The following NAALADL2 variants were observed in gnomAD, a reference collection of about 807,000 sequenced individuals.
The protein encoded by NAALADL2 is inactive N-acetylated-alpha-linked acidic dipeptidase-like protein 2.
A neutral mutation model predicts 87.2 loss-of-function variants in NAALADL2; 76 were observed. The ratio of observed to expected loss-of-function variants is 0.87; its 90% CI spans 0.72 to 1.05. NAALADL2 has a LOEUF of 1.05. Ranked by LOEUF, NAALADL2 falls within the 50% of genes least tolerant of loss-of-function variation. The probability of loss-of-function intolerance (pLI) is 0.00; values close to 1 mark genes in which losing one functional copy is unlikely to be tolerated. For synonymous variants in NAALADL2, 354 were observed against 331.0 expected, an observed-to-expected ratio of 1.07 and a Z score of -0.75; for missense variants, 1,089 against 945.8, an observed-to-expected ratio of 1.15 and a Z score of -1.99.
rs535701658 is a variant in NAALADL2 at position 174,904,777 on chromosome 3, T to A, written c.43+45327T>A. On this transcript the variant is annotated intron_variant, in intron 1 of 13. Coordinates refer to ENST00000454872, the MANE Select transcript of NAALADL2 (RefSeq NM_207015.3). ...TCATACTCTTTATAGCTTGAGGCAATAATTCACTCAACTTGTGAAATAGTT... is the reference window on the plus strand; with the variant it reads ...TCATACTCTTTATAGCTTGAGGCAAAAATTCACTCAACTTGTGAAATAGTT... Among the ~76,000 whole-genome samples, 7 of 151,966 alleles carry A rather than the reference T, an allele frequency of 4.6e-5. No individual in the cohort carries two copies. In the East Asian group the frequency reaches 1.4e-3, roughly 29 times the overall value.
intron 2 of NAALADL2, among the ~76,000 whole-genome samples, chr3:175,191,628 A>T: frequency 6.6e-6 from 1 of 152,214 alleles, no homozygotes; most frequent in South Asian, 2.1e-4. Flanking sequence ...AACTCTGTCA[A>T]GGATATTAGG....
chr3:174,803,165 G>A (rs1181689950), intron 3 of NAALADL2, among the ~76,000 whole-genome samples: 10 of 151,814 alleles, frequency 6.6e-5, no homozygotes, highest in East Asian at 1.9e-4. Flanking sequence ...TTTAATGATC[G>A]CCATTCTAAC....
intron 1 of NAALADL2, among the ~76,000 whole-genome samples, chr3:175,082,119 G>T (rs1285083745): frequency 6.6e-6 from 1 of 151,998 alleles, no homozygotes; most frequent in African/African-American, 2.4e-5. Context: ...TCAATTTCTG[G>T]CCTAAAGTCA....
chr3:175,776,795 A>G (rs1487244992), intron 13 of NAALADL2, among the ~76,000 whole-genome samples: 1 of 152,108 alleles, frequency 6.6e-6, no homozygotes, highest in Non-Finnish European at 1.5e-5. Context: ...ATAGAGTCGG[A>G]GTTTATGAGG....
intron 11 of NAALADL2, among the ~76,000 whole-genome samples, chr3:175,629,534 G>A (rs1727474961): frequency 6.6e-6 from 1 of 151,354 alleles, no homozygotes; most frequent in Non-Finnish European, 1.5e-5. Flanking sequence ...TCCTGCTTTT[G>A]TGGGAATCAG....
chr3:174,903,915 G>C (rs1732607724), intron 1 of NAALADL2, among the ~76,000 whole-genome samples: 1 of 151,436 alleles, frequency 6.6e-6, no homozygotes, highest in Non-Finnish European at 1.5e-5. Context: ...AATCCTTTCT[G>C]GCTCTGGAAA....
intron 11 of NAALADL2, among the ~76,000 whole-genome samples, chr3:175,687,732 G>T (rs1736494813): frequency 6.6e-6 from 1 of 152,170 alleles, no homozygotes; most frequent in African/African-American, 2.4e-5. Context: ...GATTGTGGGA[G>T]TGGATCACTC....
At chr3:174,765,139 C>CGAGAGAGAG (rs760807858) in intron 3 of NAALADL2, among the ~76,000 whole-genome samples, 4 of 124,428 alleles carry the variant, frequency 3.2e-5, no homozygotes, top group African/African-American at 7.9e-5. Context: ...CACACACACA[C>CGAGAGAGAG]ACACGAGAGA....
At chr3:175,680,830 T>C (rs1735488039) in intron 11 of NAALADL2, among the ~76,000 whole-genome samples, 1 of 152,138 alleles carries the variant, frequency 6.6e-6, no homozygotes, top group Non-Finnish European at 1.5e-5. Flanking sequence ...AAACATCCTT[T>C]AAGGCCGGGC....
chr3:175,096,859 A>G lies in NAALADL2; in HGVS notation c.113A>G (p.Asn38Ser), dbSNP rs201659849. ...RAPGHSQYLDNDDLQATALDL... is the reference protein window; with the variant it reads ...RAPGHSQYLDSDDLQATALDL... ...CCAGGACACTCACAGTACTTAGACA[A>G]TGATGACCTTCAAGCCACTGCCCTT... is the stretch of plus-strand genomic sequence containing the variant. Residue 38 changes from asparagine (N) to serine (S), a missense_variant, in exon 2 of 14, where the codon AAT becomes AGT. Coordinates refer to ENST00000454872, the MANE Select transcript of NAALADL2 (RefSeq NM_207015.3). 3.7e-6 allele frequency: 6 copies of G among 1,612,314 alleles called. No individual in the cohort carries two copies. In the East Asian group the frequency reaches 1.1e-4, roughly 30 times the overall value.
At chr3:175,781,895 C>G (rs1482963899) in intron 13 of NAALADL2, among the ~76,000 whole-genome samples, 4 of 137,452 alleles carry the variant, frequency 2.9e-5, no homozygotes, top group Non-Finnish European at 4.6e-5. Flanking sequence ...GTGATATTCT[C>G]CTTCCTGTGT....
At chr3:175,653,303 T>G (rs1489475944) in intron 11 of NAALADL2, among the ~76,000 whole-genome samples, 1 of 152,168 alleles carries the variant, frequency 6.6e-6, no homozygotes, top group Non-Finnish European at 1.5e-5. Flanking sequence ...TTCCACCATT[T>G]TCTTTAGTTT....
chr3:175,258,287 A>G (rs541836331), intron 4 of NAALADL2, among the ~76,000 whole-genome samples: 76 of 149,668 alleles, frequency 5.1e-4, no homozygotes, highest in Non-Finnish European at 1.6e-4. Flanking sequence ...CAGCCTGGGC[A>G]ACAGAGGGCG....
rs1035885873 is a variant in NAALADL2, at chr3:174,907,711, T to C, written c.43+48261T>C. On this transcript the variant is annotated intron_variant, in intron 1 of 13. Coordinates refer to ENST00000454872, the MANE Select transcript of NAALADL2 (RefSeq NM_207015.3). ...CCAATGTTCAAAAGCAAAACATTGGTGGTGTTCATTAGTAACATAATTCAG... is the reference window on the plus strand; with the variant it reads ...CCAATGTTCAAAAGCAAAACATTGGCGGTGTTCATTAGTAACATAATTCAG... 5.3e-5 allele frequency among the ~76,000 whole-genome samples: 8 copies of C among 152,018 alleles called. 1 individual carries two copies. Among genetic ancestry groups the C allele is most frequent in the Admixed American group, 1.3e-4 (2 of 15,254 alleles).
intron 2 of NAALADL2, among the ~76,000 whole-genome samples, chr3:175,156,815 A>G (rs549733473): frequency 2.6e-5 from 4 of 152,192 alleles, no homozygotes; most frequent in Admixed American, 2.0e-4. Context: ...AGGTACCTCT[A>G]GACCTATTGT....
At chr3:175,048,370 T>G (rs1754938214) in intron 1 of NAALADL2, among the ~76,000 whole-genome samples, 1 of 152,156 alleles carries the variant, frequency 6.6e-6, no homozygotes, top group Non-Finnish European at 1.5e-5. Context: ...TCAAAAAAGT[T>G]GAGGAAGGCC....
chr3:174,472,643 A>ATT (rs1200834132), intron 1 of NAALADL2, among the ~76,000 whole-genome samples: 1 of 152,140 alleles, frequency 6.6e-6, no homozygotes, highest in African/African-American at 2.4e-5. Flanking sequence ...ATTAATTACT[A>ATT]TTACTGTAAT....
intron 1 of NAALADL2, among the ~76,000 whole-genome samples, chr3:174,899,500 G>A (rs1372621480): frequency 1.3e-5 from 2 of 152,080 alleles, no homozygotes; most frequent in African/African-American, 4.8e-5. Context: ...AAAGTGTGTG[G>A]CACCTCCACA....
intron 1 of NAALADL2, among the ~76,000 whole-genome samples, chr3:174,455,432 G>T (rs1715770391): frequency 6.6e-6 from 1 of 151,896 alleles, no homozygotes; most frequent in Non-Finnish European, 1.5e-5. Context: ...ACACAGAAAA[G>T]CCTTTAGGCC....
Sources: gnomAD v4.1 joint callset for allele counts (sites outside exome capture counted in the v4.1 genomes callset) on GRCh38, gnomAD v4.1.1 for gene constraint, MANE v1.5 for transcripts, NCBI Gene and HGNC (gene_info 2026-07-23, HGNC 2026-07-21) for gene names.